The following CYYR1 variants were observed in gnomAD, a reference collection of about 807,000 sequenced individuals.
CYYR1 encodes the protein cysteine and tyrosine-rich protein 1.
A neutral mutation model predicts 15.2 loss-of-function variants in CYYR1; 14 were observed. The observed-to-expected ratio is 0.92, with a 90% CI of 0.61 to 1.44. The LOEUF (loss-of-function observed/expected upper bound fraction) is 1.44. Among genes scored for constraint, CYYR1 ranks in the 40% most tolerant of loss-of-function variants. CYYR1 has a pLI of 0.00. For missense variants in CYYR1, 228 were observed against 209.5 expected (o/e 1.09, Z -0.54); for synonymous variants, 80 against 77.4 (o/e 1.03, Z -0.18).
chr21:26,552,194 A>G (rs1979442263), intron 2 of CYYR1: 1 of 152,222 alleles, frequency 6.6e-6, no homozygotes, highest in Non-Finnish European at 1.5e-5. Context: ...AAACAACTTT[A>G]TATGTACCAA....
intron 2 of CYYR1, among the ~76,000 whole-genome samples, chr21:26,564,148 T>C (rs938998429): frequency 5.2e-4 from 79 of 152,064 alleles, no homozygotes; most frequent in African/African-American, 1.9e-3. Context: ...GGAATTAATT[T>C]TTTTCCTACC....
At chr21:26,495,424 C>A (rs1601750920) in intron 2 of CYYR1, among the ~76,000 whole-genome samples, 1 of 152,216 alleles carries the variant, frequency 6.6e-6, no homozygotes, top group Admixed American at 6.5e-5. Flanking sequence ...CTTTTCCCAA[C>A]AGACTTAAAG....
At chr21:26,503,068 A>G (rs2065503951) in intron 2 of CYYR1, among the ~76,000 whole-genome samples, 1 of 152,264 alleles carries the variant, frequency 6.6e-6, no homozygotes, top group East Asian at 1.9e-4. Context: ...TAATGTTATC[A>G]TTTCTTTTTT....
intron 2 of CYYR1, among the ~76,000 whole-genome samples, chr21:26,513,369 A>G (rs992243877): frequency 2.6e-5 from 4 of 152,174 alleles, no homozygotes; most frequent in Non-Finnish European, 4.4e-5. Context: ...AGATCCCTGG[A>G]GGCTGAGACT....
intron 2 of CYYR1, among the ~76,000 whole-genome samples, chr21:26,557,944 G>C (rs1365009916): frequency 6.6e-6 from 1 of 152,178 alleles, no homozygotes; most frequent in Non-Finnish European, 1.5e-5. Flanking sequence ...AGAAACCTCA[G>C]AATTAATTCA....
intron 2 of CYYR1, chr21:26,550,610 G>A (rs925349410): frequency 7.9e-5 from 12 of 152,288 alleles, no homozygotes; most frequent in African/African-American, 2.6e-4. Flanking sequence ...GATCTGGGTA[G>A]AAGATCAAAC....
chr21:26,566,089 TCAAA>T (rs981433167), intron 2 of CYYR1, among the ~76,000 whole-genome samples, 173 bp downstream of exon 2: 3 of 152,240 alleles, frequency 2.0e-5, no homozygotes, highest in Admixed American at 2.0e-4. Context: ...GCATATTTTG[TCAAA>T]CAATATAGTC....
intron 2 of CYYR1, chr21:26,564,767 A>T: frequency 8.1e-7 from 1 of 1,237,932 alleles, no homozygotes; most frequent in Non-Finnish European, 1.0e-6. Context: ...GAATCACAGA[A>T]TCAGTTTGAC....
intron 2 of CYYR1, among the ~76,000 whole-genome samples, chr21:26,495,237 G>A (rs1348478588): frequency 6.6e-6 from 1 of 152,168 alleles, no homozygotes; most frequent in Non-Finnish European, 1.5e-5. Flanking sequence ...ATTGGGCAGA[G>A]AGCGGTAGAT....
intron 2 of CYYR1, among the ~76,000 whole-genome samples, chr21:26,482,778 G>A (rs1480989250): frequency 6.6e-6 from 1 of 151,896 alleles, no homozygotes; most frequent in Non-Finnish European, 1.5e-5. Context: ...GAATTCCCAT[G>A]GCATTATAAT....
intron 2 of CYYR1, among the ~76,000 whole-genome samples, chr21:26,495,357 G>T (rs1456264276): frequency 6.6e-6 from 1 of 152,114 alleles, no homozygotes; most frequent in Non-Finnish European, 1.5e-5. Flanking sequence ...CCAAATATCT[G>T]CGCTAGGCTC....
At chr21:26,534,578 G>A (rs2065972746) in intron 2 of CYYR1, among the ~76,000 whole-genome samples, 1 of 152,032 alleles carries the variant, frequency 6.6e-6, no homozygotes, top group Admixed American at 6.6e-5. Flanking sequence ...TTGATCCTTT[G>A]GCTCGCTCTC....
intron 2 of CYYR1, among the ~76,000 whole-genome samples, chr21:26,536,078 A>G (rs1420368793): frequency 1.3e-5 from 2 of 152,140 alleles, no homozygotes; most frequent in African/African-American, 4.8e-5. Flanking sequence ...GGAAGCAAGC[A>G]TGTCTTCACA....
chr21:26,506,816 C>T (rs1038005493), intron 2 of CYYR1: 1 of 152,094 alleles, frequency 6.6e-6, no homozygotes, highest in Non-Finnish European at 1.5e-5. Flanking sequence ...ACCCTGACCC[C>T]TCATTTGGTC....
At position 26,573,043 on chromosome 21, in the gene CYYR1, C is replaced by A; in HGVS notation, c.-103G>T. 6.3e-7 allele frequency: 1 copy of A among 1,593,404 alleles called. No homozygotes were observed. The highest frequency in any genetic ancestry group is 8.5e-7 in the Non-Finnish European group (1 of 1,170,904). On this transcript the variant is annotated 5_prime_UTR_variant, in exon 1 of 4. Transcript: ENST00000652641. ...ATGGAGAGAGCAGCGCTCCTGAGAG[C>A]CGGGTGGAGCAGAGACCCGGCCATT... is the stretch of plus-strand genomic sequence containing the variant.
chr21:26,500,817 CATCTT>C (rs1228859680), intron 2 of CYYR1, among the ~76,000 whole-genome samples: 2 of 152,140 alleles, frequency 1.3e-5, no homozygotes, highest in African/African-American at 2.4e-5. Flanking sequence ...TGTTTACTGA[CATCTT>C]AGATTAGACA....
intron 3 of CYYR1, among the ~76,000 whole-genome samples, chr21:26,477,070 A>G (rs1429882924): frequency 6.6e-6 from 1 of 152,132 alleles, no homozygotes; most frequent in East Asian, 1.9e-4. Flanking sequence ...CGTGTAGAGT[A>G]ATAATGTTCA....
intron 2 of CYYR1, among the ~76,000 whole-genome samples, chr21:26,514,457 C>T (rs988071166): frequency 2.0e-5 from 3 of 152,212 alleles, no homozygotes; most frequent in Admixed American, 2.0e-4. Context: ...ATACCAGCTC[C>T]CTTCTGCCTT....
At chr21:26,486,862 A>G (rs1265223696) in intron 2 of CYYR1, among the ~76,000 whole-genome samples, 1 of 152,062 alleles carries the variant, frequency 6.6e-6, no homozygotes, top group African/African-American at 2.4e-5. Context: ...TTTACTATTA[A>G]TATTAAATAA....
Sources: allele counts gnomAD v4.1 joint callset (sites outside exome capture counted in the v4.1 genomes callset), GRCh38; gene constraint gnomAD v4.1.1; transcripts MANE v1.5; gene names NCBI Gene and HGNC (gene_info 2026-07-23, HGNC 2026-07-21).